ARHGAP15: variants seen among roughly 807,000 people sequenced by gnomAD.
ARHGAP15 encodes the protein rho GTPase-activating protein 15.
A neutral mutation model predicts 63.7 loss-of-function variants in ARHGAP15; 51 were observed. The observed-to-expected ratio is 0.80, with a 90% confidence interval of 0.64 to 1.01. The LOEUF is 1.01. ARHGAP15 is among the 50% of genes least tolerant of loss of function. ARHGAP15 has a pLI of 0.00. For missense variants in ARHGAP15, 560 were observed against 564.6 expected, an observed-to-expected ratio of 0.99 and a Z score of 0.08; for synonymous variants, 191 against 193.8, an observed-to-expected ratio of 0.99 and a Z score of 0.12.
chr2:143,308,107 G>T (rs1009988509), intron 6 of ARHGAP15, among the ~76,000 whole-genome samples: 4 of 152,134 alleles, frequency 2.6e-5, no homozygotes, highest in African/African-American at 9.7e-5. Context: ...AAGCTATGCT[G>T]TTAGGTCTTT....
chr2:143,152,370 C>A (rs1558778060), intron 1 of ARHGAP15, among the ~76,000 whole-genome samples: 2 of 151,984 alleles, frequency 1.3e-5, no homozygotes, highest in Non-Finnish European at 2.9e-5. Context: ...ACTGACTTAG[C>A]TCTGATGTAA....
chr2:143,596,031 A>C (rs1697503082), intron 11 of ARHGAP15, among the ~76,000 whole-genome samples: 2 of 152,100 alleles, frequency 1.3e-5, no homozygotes, highest in Admixed American at 1.3e-4. Flanking sequence ...AAAGGCACTC[A>C]CTCAACTTTT....
intron 6 of ARHGAP15, among the ~76,000 whole-genome samples, chr2:143,366,634 C>T: frequency 6.6e-6 from 1 of 151,952 alleles, no homozygotes; most frequent in East Asian, 1.9e-4. Flanking sequence ...GCCTTCTAGA[C>T]TAATTCTATA....
rs1685352322 is a variant in ARHGAP15, at chr2:143,347,600, A to G, written c.475-88001A>G. Among the ~76,000 whole-genome samples, 3 of 152,112 alleles carry G rather than the reference A, an allele frequency of 2.0e-5. No individual in the cohort carries two copies. The South Asian group carries it at 6.2e-4, about 32-fold the overall frequency. On this transcript the variant is annotated intron_variant, in intron 6 of 13. Coordinates refer to ENST00000295095, the MANE Select transcript of ARHGAP15 (RefSeq NM_018460.4). ...GCCTGTGCCTAAATGCTGTCAGATG[A>G]GCGGTTGCTGGCCTGAAACAGTATT...
At chr2:143,373,379 C>T (rs371751496) in intron 6 of ARHGAP15, among the ~76,000 whole-genome samples, 2 of 151,994 alleles carry the variant, frequency 1.3e-5, no homozygotes, top group African/African-American at 4.8e-5. Flanking sequence ...GCCTGTAATC[C>T]GAGCACTTTG....
At chr2:143,401,557 G>A (rs1170927115) in intron 6 of ARHGAP15, among the ~76,000 whole-genome samples, 1 of 151,984 alleles carries the variant, frequency 6.6e-6, no homozygotes, top group Non-Finnish European at 1.5e-5. Flanking sequence ...TGTTTCATGA[G>A]TGACCTTTAC....
intron 8 of ARHGAP15, among the ~76,000 whole-genome samples, chr2:143,486,408 C>CAAAAAAAAAAAA (rs35904219): frequency 7.5e-6 from 1 of 133,336 alleles, no homozygotes; most frequent in African/African-American, 2.8e-5. Flanking sequence ...CCATTTCTAC[C>CAAAAAAAAAAAA]AAAAAAAAAA....
chr2:143,561,610 G>A (rs1019762008), intron 11 of ARHGAP15, among the ~76,000 whole-genome samples: 1 of 151,358 alleles, frequency 6.6e-6, no homozygotes, highest in African/African-American at 2.4e-5. Context: ...CCACCTCCCG[G>A]GTTCAAGCGA....
chr2:143,694,461 C>T (rs962702963), intron 12 of ARHGAP15, among the ~76,000 whole-genome samples: 1 of 152,118 alleles, frequency 6.6e-6, no homozygotes, highest in Non-Finnish European at 1.5e-5. Context: ...TTAAGATTAG[C>T]TGGCAGTTTT....
At chr2:143,357,489 T>C (rs1045181859) in intron 6 of ARHGAP15, among the ~76,000 whole-genome samples, 1 of 152,198 alleles carries the variant, frequency 6.6e-6, no homozygotes, top group African/African-American at 2.4e-5. Flanking sequence ...AAAAATATTC[T>C]TGATTCCTGA....
At chr2:143,764,017 A>G (rs1686865961) in intron 13 of ARHGAP15, among the ~76,000 whole-genome samples, 1 of 151,876 alleles carries the variant, frequency 6.6e-6, no homozygotes, top group African/African-American at 2.4e-5. Context: ...TAACAGGAAT[A>G]CAAAACTATG....
At chr2:143,463,623 C>T (rs1023053700) in intron 8 of ARHGAP15, among the ~76,000 whole-genome samples, 1 of 152,076 alleles carries the variant, frequency 6.6e-6, no homozygotes, top group South Asian at 2.1e-4. Flanking sequence ...TTTTATCTAA[C>T]CATCCATCCA....
At chr2:143,272,339 T>A (rs943933485) in intron 6 of ARHGAP15, among the ~76,000 whole-genome samples, 1 of 152,070 alleles carries the variant, frequency 6.6e-6, no homozygotes, top group Non-Finnish European at 1.5e-5. Flanking sequence ...ATTGAAAAGT[T>A]CTAGAAATGG....
At chr2:143,484,388 C>T (rs907310474) in intron 8 of ARHGAP15, among the ~76,000 whole-genome samples, 5 of 148,706 alleles carry the variant, frequency 3.4e-5, no homozygotes, top group African/African-American at 1.2e-4. Context: ...AAAAATTAGC[C>T]AGGCTTAGTG....
chr2:143,265,284 G>T (rs571336789), intron 6 of ARHGAP15, among the ~76,000 whole-genome samples: 2 of 151,486 alleles, frequency 1.3e-5, no homozygotes, highest in South Asian at 4.2e-4. Context: ...TCATTATTAG[G>T]CCAACAACTG....
chr2:143,507,652 C>A (rs772457080), intron 9 of ARHGAP15, among the ~76,000 whole-genome samples: 1 of 152,316 alleles, frequency 6.6e-6, no homozygotes, highest in Non-Finnish European at 1.5e-5. Flanking sequence ...AAACTTCAGA[C>A]TTGCATATTC....
intron 6 of ARHGAP15, among the ~76,000 whole-genome samples, chr2:143,346,250 T>TCACA (rs138964635): frequency 0.26 from 36,323 of 138,588 alleles, 4,441 homozygotes; most frequent in East Asian, 0.38. Context: ...ACACACACAC[T>TCACA]CACACACACA....
chr2:143,376,866 C>T lies in ARHGAP15; in HGVS notation c.475-58735C>T, dbSNP rs377683988. Among the ~76,000 whole-genome samples the T allele has an allele frequency of 3.3e-5, 5 of 152,162 alleles. No homozygotes were observed. The South Asian group carries it at 6.2e-4, about 19-fold the overall frequency. ...AATTTCACAAAACATACTTTTTCCA[C>T]TCCTCAAATGCATTCCTTTTTTGCT... On this transcript the variant is annotated intron_variant, in intron 6 of 13. Transcript: ENST00000295095.
intron 6 of ARHGAP15, among the ~76,000 whole-genome samples, chr2:143,377,740 T>A (rs80280225): frequency 0.012 from 1,801 of 152,230 alleles, 32 homozygotes; most frequent in African/African-American, 0.041. Context: ...AAACAAAATA[T>A]TATAGAACAT....
Sources: gnomAD v4.1 joint callset for allele counts (sites outside exome capture counted in the v4.1 genomes callset) on GRCh38, gnomAD v4.1.1 for gene constraint, MANE v1.5 for transcripts, NCBI Gene and HGNC (gene_info 2026-07-23, HGNC 2026-07-21) for gene names.